HLCS: variants seen among roughly 807,000 people sequenced by gnomAD.
The protein encoded by HLCS is holocarboxylase synthetase.
In HLCS, 53 loss-of-function variants were observed where a neutral mutation model predicts 75.0. The ratio of observed to expected loss-of-function variants is 0.71; its 90% CI spans 0.57 to 0.89. HLCS has a LOEUF of 0.89. HLCS is among the 40% of genes least tolerant of loss of function. The pLI, the probability that HLCS is intolerant of heterozygous loss-of-function variation, is 0.00. For missense variants in HLCS, 966 were observed against 1,074.0 expected, an observed-to-expected ratio of 0.90 and a Z score of 1.41; for synonymous variants, 431 against 428.6, an observed-to-expected ratio of 1.01 and a Z score of -0.07.
intron 6 of HLCS, among the ~76,000 whole-genome samples, chr21:36,797,325 T>C (rs1190615300): frequency 1.3e-5 from 2 of 152,120 alleles, no homozygotes; most frequent in African/African-American, 2.4e-5. Flanking sequence ...TTGGCTCCCA[T>C]ATCCACAGTT....
intron 6 of HLCS, among the ~76,000 whole-genome samples, chr21:36,838,448 G>A (rs1291728946): frequency 6.6e-6 from 1 of 152,200 alleles, no homozygotes; most frequent in African/African-American, 2.4e-5. Flanking sequence ...GTTCATGCCT[G>A]TAATCTCAGC....
chr21:36,954,809 T>C (rs2067852365), intron 2 of HLCS, among the ~76,000 whole-genome samples: 2 of 152,052 alleles, frequency 1.3e-5, no homozygotes, highest in South Asian at 4.1e-4. Flanking sequence ...ATGCCTGTAA[T>C]CCCAGCACTT....
chr21:36,885,256 C>T (rs1015231098), intron 6 of HLCS, among the ~76,000 whole-genome samples: 6 of 152,148 alleles, frequency 3.9e-5, no homozygotes, highest in African/African-American at 1.4e-4. Context: ...CCTATAATCC[C>T]AGCACTTTGG....
chr21:36,754,703 A>T (rs935330486), intron 10 of HLCS, among the ~76,000 whole-genome samples: 5 of 152,158 alleles, frequency 3.3e-5, no homozygotes, highest in African/African-American at 1.2e-4. Context: ...GATGGCTGGA[A>T]CCACTTCCTC....
chr21:36,948,624 G>A, intron 2 of HLCS, among the ~76,000 whole-genome samples: 1 of 146,508 alleles, frequency 6.8e-6, no homozygotes, highest in Non-Finnish European at 1.5e-5. Flanking sequence ...AGCTACTTGG[G>A]AAGATTAGGT....
intron 6 of HLCS, among the ~76,000 whole-genome samples, chr21:36,780,309 C>T (rs1395754462): frequency 6.6e-6 from 1 of 152,158 alleles, no homozygotes; most frequent in Non-Finnish European, 1.5e-5. Context: ...GTGGCGCGAT[C>T]CCAGGTTCAC....
chr21:36,897,155 G>C (rs539250125), intron 5 of HLCS, 24 bp from the exon 6 acceptor site: 1 of 1,613,862 alleles, frequency 6.2e-7, no homozygotes, highest in African/African-American at 1.3e-5. Context: ...AAAGAAATGA[G>C]ATGGTCGTAA....
At chr21:36,787,656 C>T (rs1038272283) in intron 6 of HLCS, among the ~76,000 whole-genome samples, 6 of 152,178 alleles carry the variant, frequency 3.9e-5, no homozygotes, top group African/African-American at 1.4e-4. Context: ...CACCTATATT[C>T]CAGATGCAGC....
intron 1 of HLCS, among the ~76,000 whole-genome samples, chr21:36,963,096 T>C (rs1024873811): frequency 4.6e-5 from 7 of 152,214 alleles, no homozygotes; most frequent in African/African-American, 1.4e-4. Context: ...TTTAATGGAA[T>C]GTAAACTCCA....
intron 2 of HLCS, among the ~76,000 whole-genome samples, chr21:36,942,808 T>C (rs2067209760): frequency 6.6e-6 from 1 of 152,054 alleles, no homozygotes; most frequent in Non-Finnish European, 1.5e-5. Flanking sequence ...AAGGCACCTG[T>C]AGTCCCAGCT....
At chr21:36,794,776 A>C (rs111556055) in intron 6 of HLCS, among the ~76,000 whole-genome samples, 4,178 of 152,218 alleles carry the variant, frequency 0.027, 169 homozygotes, top group African/African-American at 0.095. Flanking sequence ...AAAGTGGAAC[A>C]AAGAGGACCT....
intron 4 of HLCS, among the ~76,000 whole-genome samples, chr21:36,936,043 C>T (rs1210235377): frequency 1.3e-5 from 2 of 152,158 alleles, no homozygotes; most frequent in Non-Finnish European, 2.9e-5. Flanking sequence ...GAATCACTAC[C>T]CTGATGGTTT....
chr21:36,844,847 G>A (rs769353973), intron 6 of HLCS, among the ~76,000 whole-genome samples: 96 of 152,322 alleles, frequency 6.3e-4, no homozygotes, highest in Non-Finnish European at 1.2e-3. Flanking sequence ...TGCATTCGGT[G>A]CTCCCTAATT....
intron 5 of HLCS, among the ~76,000 whole-genome samples, chr21:36,926,025 T>G (rs1170757362): frequency 6.6e-6 from 1 of 152,240 alleles, no homozygotes; most frequent in African/African-American, 2.4e-5. Context: ...TGCTGCTGAC[T>G]GCCTGTCACC....
intron 4 of HLCS, among the ~76,000 whole-genome samples, chr21:36,935,055 A>C (rs1419797764): frequency 6.6e-6 from 1 of 152,216 alleles, no homozygotes; most frequent in Non-Finnish European, 1.5e-5. Flanking sequence ...AACTCGGAGA[A>C]ATGGATCACA....
At chr21:36,778,577 C>T (rs2060436581) in intron 6 of HLCS, among the ~76,000 whole-genome samples, 1 of 152,198 alleles carries the variant, frequency 6.6e-6, no homozygotes, top group African/African-American at 2.4e-5. Context: ...CCGTGCCTGG[C>T]CTTGAATCAA....
At chr21:36,911,444 C>A (rs1024264633) in intron 5 of HLCS, among the ~76,000 whole-genome samples, 1 of 152,096 alleles carries the variant, frequency 6.6e-6, no homozygotes, top group Non-Finnish European at 1.5e-5. Flanking sequence ...TTGGTAGTTC[C>A]TCAAAAAGTT....
intron 6 of HLCS, among the ~76,000 whole-genome samples, chr21:36,827,437 G>A (rs2409841): frequency 0.31 from 46,208 of 151,380 alleles, 7,469 homozygotes; most frequent in African/African-American, 0.37. Flanking sequence ...AGCCAGGCAT[G>A]GTGGCAGATG....
intron 6 of HLCS, among the ~76,000 whole-genome samples, chr21:36,824,413 G>A (rs906907405): frequency 3.3e-5 from 5 of 152,080 alleles, no homozygotes; most frequent in Non-Finnish European, 5.9e-5. Context: ...ACACAGGGAG[G>A]GGAATAACAC....
Sources: allele counts gnomAD v4.1 joint callset (sites outside exome capture counted in the v4.1 genomes callset), GRCh38; gene constraint gnomAD v4.1.1; transcripts MANE v1.5; gene names NCBI Gene and HGNC (gene_info 2026-07-23, HGNC 2026-07-21).